The following DPP6 variants were observed in gnomAD, a reference collection of about 807,000 sequenced individuals.
DPP6 encodes dipeptidyl peptidase like 6.
Under a neutral mutation model 122.6 loss-of-function variants are expected in DPP6, and 69 were observed. The observed-to-expected ratio is 0.56, with a 90% CI of 0.46 to 0.69. The LOEUF (loss-of-function observed/expected upper bound fraction) is 0.69, where lower values mean the gene tolerates loss of function less well. Ranked by LOEUF, DPP6 falls within the 30% of genes least tolerant of loss-of-function variation. The pLI is 0.00. For synonymous variants in DPP6, 418 were observed against 433.1 expected (o/e 0.97, Z 0.43); for missense variants, 928 against 1,116.9 (o/e 0.83, Z 2.41).
In DPP6 at chr7:154,061,955, G is replaced by A. The variant is rs554686308; in HGVS notation, c.243+8892G>A. Among the ~76,000 whole-genome samples the A allele has an allele frequency of 9.2e-4, 111 of 121,112 alleles. 14 individuals are homozygous for A. The highest frequency in any genetic ancestry group is 3.8e-3 in the Admixed American group (45 of 11,938). The allele number at this position is 121,112 out of a possible 152,430, so 79.5% of individuals were successfully genotyped here. On this transcript the variant is annotated intron_variant, in intron 1 of 25. Transcript: ENST00000377770. ...TCGCAGGAGGGGGAGGCAACCCTGCGAGGGTGGGGACTGAGAGCTATCCCC... is the reference window on the plus strand; with the variant it reads ...TCGCAGGAGGGGGAGGCAACCCTGCAAGGGTGGGGACTGAGAGCTATCCCC...
chr7:154,572,144 T>C (rs967290605), intron 5 of DPP6, among the ~76,000 whole-genome samples: 3 of 152,212 alleles, frequency 2.0e-5, no homozygotes, highest in Admixed American at 6.5e-5. Flanking sequence ...GCAGTTTTCA[T>C]ATTTGATAAA....
intron 2 of DPP6, among the ~76,000 whole-genome samples, chr7:154,446,819 A>G (rs1482526515): frequency 6.6e-6 from 1 of 152,224 alleles, no homozygotes; most frequent in Non-Finnish European, 1.5e-5. Context: ...CCTACAACAA[A>G]TACAGATATA....
At chr7:153,825,676 C>T in the DPP6 span, among the ~76,000 whole-genome samples, 1 of 152,206 alleles carries the variant, frequency 6.6e-6, no homozygotes, top group African/African-American at 2.4e-5. Context: ...TCTTCGGCCT[C>T]AGCCTCCTGA....
intron 1 of DPP6, among the ~76,000 whole-genome samples, chr7:154,437,479 A>G (rs937075657): frequency 4.6e-5 from 7 of 152,150 alleles, no homozygotes; most frequent in African/African-American, 1.7e-4. Context: ...GGCCCATACT[A>G]CAAGGCTGGT....
intron 7 of DPP6, among the ~76,000 whole-genome samples, chr7:154,723,169 G>T (rs1403603721): frequency 1.3e-5 from 2 of 152,082 alleles, no homozygotes; most frequent in Non-Finnish European, 2.9e-5. Context: ...TCAGTGGGAG[G>T]ATTGCTTAAG....
chr7:154,394,546 A>C lies in DPP6; in HGVS notation c.244-51668A>C, dbSNP rs148266811. On this transcript the variant is annotated intron_variant, in intron 1 of 25. Coordinates refer to ENST00000377770, the MANE Select transcript of DPP6 (RefSeq NM_130797.4). ...TTCCTCTCCTGTGGGTTGCCTTTTT[A>C]TTCTATTAATATTGTCTTTTATGCA... Among the ~76,000 whole-genome samples the C allele has an allele frequency of 5.1e-4, 77 of 151,836 alleles. 1 individual carries two copies. The highest frequency in any genetic ancestry group is 1.8e-3 in the African/African-American group (74 of 41,382).
intron 1 of DPP6, among the ~76,000 whole-genome samples, chr7:154,440,673 CT>C (rs1449396358): frequency 6.6e-6 from 1 of 152,210 alleles, no homozygotes; most frequent in Non-Finnish European, 1.5e-5. Context: ...TAATATACTT[CT>C]GCAGGCTGCC....
At chr7:154,172,756 C>T (rs146246824) in intron 1 of DPP6, among the ~76,000 whole-genome samples, 119 of 151,990 alleles carry the variant, frequency 7.8e-4, no homozygotes, top group African/African-American at 2.7e-3. Context: ...GCCCACCATA[C>T]GCTTGGCTAA....
intron 6 of DPP6, among the ~76,000 whole-genome samples, chr7:154,663,934 T>C (rs1291712717): frequency 2.0e-5 from 2 of 98,310 alleles, no homozygotes; most frequent in African/African-American, 5.8e-5. Flanking sequence ...AGTGTTCATG[T>C]AGTCAAGATG....
At chr7:153,996,782 A>G (rs1182813318) in intron 1 of DPP6, among the ~76,000 whole-genome samples, 15 of 152,220 alleles carry the variant, frequency 9.9e-5, no homozygotes, top group South Asian at 2.1e-4. Flanking sequence ...ATTCAATGTC[A>G]AGAACAATTA....
intron 1 of DPP6, among the ~76,000 whole-genome samples, chr7:154,085,222 G>A (rs903365442): frequency 6.6e-6 from 1 of 152,162 alleles, no homozygotes; most frequent in African/African-American, 2.4e-5. Context: ...CATCTGGAAT[G>A]TCCTTTTATC....
At chr7:154,250,817 G>A (rs967956618) in intron 1 of DPP6, among the ~76,000 whole-genome samples, 6 of 152,176 alleles carry the variant, frequency 3.9e-5, no homozygotes, top group African/African-American at 1.2e-4. Flanking sequence ...GGTGGGGTGC[G>A]TGCTGAGGGT....
chr7:154,781,173 G>A (rs557651743), intron 10 of DPP6, among the ~76,000 whole-genome samples: 1 of 152,234 alleles, frequency 6.6e-6, no homozygotes, highest in South Asian at 2.1e-4. Flanking sequence ...TGAGAGGAAT[G>A]AACAGTAGAT....
chr7:154,678,462 C>G (rs1317515190), intron 7 of DPP6, among the ~76,000 whole-genome samples: 2 of 152,162 alleles, frequency 1.3e-5, no homozygotes, highest in Non-Finnish European at 2.9e-5. Context: ...GTGACACTCA[C>G]TGCGAAGGTC....
chr7:153,785,467 T>C, the DPP6 span, among the ~76,000 whole-genome samples: 561 of 151,846 alleles, frequency 3.7e-3, 1 homozygote, highest in East Asian at 0.02. Context: ...CCCTAGCTCT[T>C]ACCTTTTCTA....
intron 2 of DPP6, among the ~76,000 whole-genome samples, chr7:154,453,676 G>T (rs1409030019): frequency 6.6e-6 from 1 of 152,022 alleles, no homozygotes; most frequent in Non-Finnish European, 1.5e-5. Flanking sequence ...CCAGCATCCG[G>T]AAAGCCCCCC....
chr7:154,290,754 T>G (rs1413827594), intron 1 of DPP6, among the ~76,000 whole-genome samples: 2 of 152,128 alleles, frequency 1.3e-5, no homozygotes, highest in Non-Finnish European at 2.9e-5. Context: ...CCCGCGGGGC[T>G]TCTTACATGA....
At chr7:153,907,838 C>T (rs139261900) in intron 1 of DPP6, among the ~76,000 whole-genome samples, 3 of 152,240 alleles carry the variant, frequency 2.0e-5, no homozygotes, top group Admixed American at 6.5e-5. Flanking sequence ...TTTCTATATA[C>T]GTATGTGTAC....
At chr7:154,681,687 G>A (rs974948485) in intron 7 of DPP6, among the ~76,000 whole-genome samples, 3 of 152,172 alleles carry the variant, frequency 2.0e-5, no homozygotes, top group Middle Eastern at 3.2e-3. Context: ...CTCCCGTTTG[G>A]GTGGAGGGAA....
Sources: gnomAD v4.1 joint callset for allele counts (sites outside exome capture counted in the v4.1 genomes callset) on GRCh38, gnomAD v4.1.1 for gene constraint, MANE v1.5 for transcripts, NCBI Gene and HGNC (gene_info 2026-07-23, HGNC 2026-07-21) for gene names.